EML6: variants seen among roughly 807,000 people sequenced by gnomAD.
EML6 encodes the protein EMAP like 6, also known as echinoderm microtubule-associated protein-like 6.
A neutral mutation model predicts 240.1 loss-of-function variants in EML6; 154 were observed. The ratio of observed to expected loss-of-function variants is 0.64; its 90% CI spans 0.56 to 0.73. EML6 has a LOEUF of 0.73. Among genes scored for constraint, EML6 ranks in the 30% least tolerant of loss-of-function variants. The pLI is 0.00. For synonymous variants in EML6, 1,148 were observed against 899.0 expected (o/e 1.28, Z -4.95); for missense variants, 2,964 against 2,474.6 (o/e 1.20, Z -4.20).
At chr2:54,748,993 G>A (rs1224906747) in intron 2 of EML6, among the ~76,000 whole-genome samples, 1 of 152,176 alleles carries the variant, frequency 6.6e-6, no homozygotes, top group Non-Finnish European at 1.5e-5. Context: ...ACTTTCTAGA[G>A]TATATGCGTG....
At chr2:54,936,447 T>C (rs898168477) in intron 28 of EML6, among the ~76,000 whole-genome samples, 5 of 152,186 alleles carry the variant, frequency 3.3e-5, no homozygotes, top group African/African-American at 1.2e-4. Context: ...TTGGTCATAA[T>C]GGATATTTTT....
chr2:54,792,949 C>T (rs769190730), intron 2 of EML6, among the ~76,000 whole-genome samples: 3 of 152,064 alleles, frequency 2.0e-5, no homozygotes, highest in South Asian at 2.1e-4. Context: ...AGCATCTGAG[C>T]TTTTTCTTAA....
intron 28 of EML6, among the ~76,000 whole-genome samples, chr2:54,929,577 A>G (rs747955970): frequency 1.3e-5 from 2 of 152,180 alleles, no homozygotes; most frequent in Non-Finnish European, 2.9e-5. Flanking sequence ...GTCCCACAAT[A>G]TGTAATTTAT....
At chr2:54,836,988 C>G (rs1669185688) in intron 7 of EML6, among the ~76,000 whole-genome samples, 1 of 152,186 alleles carries the variant, frequency 6.6e-6, no homozygotes, top group South Asian at 2.1e-4. Context: ...CCACCCCTTC[C>G]TGAGGGGCTG....
intron 26 of EML6, among the ~76,000 whole-genome samples, chr2:54,927,475 C>G (rs1046453276): frequency 2.0e-5 from 3 of 152,182 alleles, no homozygotes; most frequent in African/African-American, 7.2e-5. Context: ...AAGGTATTCC[C>G]TCGGAGTCGC....
At chr2:54,801,415 T>C (rs1670139533) in intron 2 of EML6, among the ~76,000 whole-genome samples, 1 of 152,192 alleles carries the variant, frequency 6.6e-6, no homozygotes, top group Non-Finnish European at 1.5e-5. Context: ...GGGTCAGCCT[T>C]GGCCTGAAGT....
chr2:54,825,389 T>G (rs1668537017), intron 5 of EML6, among the ~76,000 whole-genome samples: 1 of 152,128 alleles, frequency 6.6e-6, no homozygotes, highest in Non-Finnish European at 1.5e-5. Context: ...CTTTATTCTT[T>G]ATTAAAAAAA....
rs1674687596 is a variant in EML6 at position 54,928,612 on chromosome 2, T to G, written c.3878-13T>G. 2.6e-6 allele frequency: 4 copies of G among 1,551,958 alleles called. No individual in the cohort carries two copies. Among genetic ancestry groups the G allele is most frequent in the Non-Finnish European group, 3.5e-6 (4 of 1,147,078 alleles). On this transcript the variant is annotated splice_polypyrimidine_tract_variant and intron_variant, in intron 27 of 41. Coordinates refer to ENST00000356458, the MANE Select transcript of EML6 (RefSeq NM_001039753.4). ...AAACCAACTGGCTCCCCAATCTCTT[T>G]CTGTTGTTTGAGGCTATGACAGCGA...
At chr2:54,798,638 A>C (rs572719863) in intron 2 of EML6, among the ~76,000 whole-genome samples, 2 of 152,264 alleles carry the variant, frequency 1.3e-5, no homozygotes, top group African/African-American at 4.8e-5. Context: ...TGTGTCTTGC[A>C]AATATTGTTA....
chr2:54,864,967 A>G (rs546695798), intron 13 of EML6, among the ~76,000 whole-genome samples: 1 of 152,368 alleles, frequency 6.6e-6, no homozygotes, highest in Non-Finnish European at 1.5e-5. Context: ...GTATTATGCA[A>G]TATGACTACT....
chr2:54,943,599 G>T (rs1181309656), intron 28 of EML6, among the ~76,000 whole-genome samples: 2 of 151,994 alleles, frequency 1.3e-5, no homozygotes, highest in Non-Finnish European at 1.5e-5. Flanking sequence ...TGACATGGGG[G>T]CTCTTTAACC....
rs115503967 is a variant in EML6, at chr2:54,833,698, T to G, written c.847+4221T>G. 4.2e-3 allele frequency among the ~76,000 whole-genome samples: 640 copies of G among 152,304 alleles called. 2 individuals are homozygous for G. The highest frequency in any genetic ancestry group is 0.015 in the African/African-American group (608 of 41,556). ...TCAGTGAAAGGGAATTGTAGAGTTT[T>G]ATTTGCACCGGTGACTTGTGCATCT... On this transcript the variant is annotated intron_variant, in intron 7 of 41. Coordinates refer to ENST00000356458, the MANE Select transcript of EML6 (RefSeq NM_001039753.4).
At chr2:54,820,205 A>G (rs549390818) in intron 4 of EML6, among the ~76,000 whole-genome samples, 189 bp from the exon 5 acceptor site, 2 of 152,306 alleles carry the variant, frequency 1.3e-5, no homozygotes, top group African/African-American at 4.8e-5. Context: ...GCCTTAAGGT[A>G]AGTAGATATG....
At chr2:54,927,678 C>T (rs573624955) in intron 26 of EML6, among the ~76,000 whole-genome samples, 4 of 152,286 alleles carry the variant, frequency 2.6e-5, no homozygotes, top group African/African-American at 9.6e-5. Flanking sequence ...GTGGGGTGGC[C>T]TGGGCACACC....
intron 12 of EML6, among the ~76,000 whole-genome samples, chr2:54,863,134 G>C (rs1670771470): frequency 6.6e-6 from 1 of 152,198 alleles, no homozygotes; most frequent in Admixed American, 6.5e-5. Flanking sequence ...AGAGTTCTGT[G>C]GTGGTTTGGG....
At position 54,724,416 on chromosome 2, in the gene EML6, G is replaced by A. The variant is rs1055355074; in HGVS notation, c.-513-133G>A. The A allele has an allele frequency of 6.6e-6, 1 of 152,198 alleles. No individual in the cohort carries two copies. Among genetic ancestry groups the A allele is most frequent in the African/African-American group, 2.4e-5 (1 of 41,442 alleles). 9.4% of individuals were successfully genotyped at this position (152,198 alleles called of 1,614,324 possible). ...ATATCATTAAGGAGATGGAACTGGA[G>A]AGAGAAAGCGGGAGTAGGGGACAAT... On this transcript the variant is annotated intron_variant, in intron 1 of 41. Coordinates refer to ENST00000356458, the MANE Select transcript of EML6 (RefSeq NM_001039753.4). This position sits in a 1 kb window ranked among gnomAD's most constrained non-coding sequence, Gnocchi z 5.2.
intron 28 of EML6, among the ~76,000 whole-genome samples, chr2:54,945,006 A>G (rs1250048347): frequency 1.3e-4 from 7 of 54,048 alleles, no homozygotes; most frequent in Admixed American, 4.6e-4. Flanking sequence ...TCCCCCATCC[A>G]TTCCTCCCTA....
chr2:54,791,598 A>G (rs932364001), intron 2 of EML6, among the ~76,000 whole-genome samples: 5 of 152,130 alleles, frequency 3.3e-5, no homozygotes, highest in African/African-American at 1.2e-4. Flanking sequence ...ACTATAATAA[A>G]ATATTTACCT....
At chr2:54,938,290 A>G (rs1344523194) in intron 28 of EML6, among the ~76,000 whole-genome samples, 1 of 152,170 alleles carries the variant, frequency 6.6e-6, no homozygotes, top group Non-Finnish European at 1.5e-5. Flanking sequence ...GGGCAACAAG[A>G]GCAAAACTCC....
Sources: allele counts gnomAD v4.1 joint callset (sites outside exome capture counted in the v4.1 genomes callset), GRCh38; gene constraint gnomAD v4.1.1; non-coding constraint Gnocchi (gnomAD v3.1); transcripts MANE v1.5; gene names NCBI Gene and HGNC (gene_info 2026-07-23, HGNC 2026-07-21).